EOGT: variants seen among roughly 807,000 people sequenced by gnomAD.
EOGT encodes the protein EGF domain specific O-linked N-acetylglucosamine transferase, also known as EGF domain-specific O-linked N-acetylglucosamine transferase.
In EOGT, 55 loss-of-function variants were observed where a neutral mutation model predicts 70.5. The ratio of observed to expected loss-of-function variants is 0.78; its 90% CI spans 0.63 to 0.98. The LOEUF (loss-of-function observed/expected upper bound fraction) is 0.98. Ranked by LOEUF, EOGT falls within the 50% of genes least tolerant of loss-of-function variation. EOGT has a pLI of 0.00. For synonymous variants in EOGT, 246 were observed against 217.1 expected (o/e 1.13, Z -1.17); for missense variants, 703 against 641.9 (o/e 1.10, Z -1.03).
At chr3:68,985,335 G>A (rs2090774828) in intron 14 of EOGT, among the ~76,000 whole-genome samples, 1 of 152,082 alleles carries the variant, frequency 6.6e-6, no homozygotes, top group Non-Finnish European at 1.5e-5. Flanking sequence ...ATATGTTCAT[G>A]TCCTCTGTAA....
chr3:69,008,755 G>GA (rs2091499131), intron 4 of EOGT, among the ~76,000 whole-genome samples: 1 of 152,140 alleles, frequency 6.6e-6, no homozygotes, highest in Non-Finnish European at 1.5e-5. Context: ...TCCCCTAACC[G>GA]AAAGTCTGGG....
At chr3:68,994,768 G>A (rs1414108191) in intron 10 of EOGT, among the ~76,000 whole-genome samples, 1 of 152,174 alleles carries the variant, frequency 6.6e-6, no homozygotes, top group African/African-American at 2.4e-5. Context: ...TTGAGCCTGG[G>A]TGACAAGCAA....
chr3:68,982,958 G>A, intron 14 of EOGT, 86 bp from the exon 15 acceptor site: 1 of 775,550 alleles, frequency 1.3e-6, no homozygotes, highest in South Asian at 2.0e-5. Flanking sequence ...TTCTTTTTTT[G>A]CATATACTAT....
chr3:68,979,910 AT>A, intron 15 of EOGT, 123 bp from the exon 16 acceptor site: 1 of 916,940 alleles, frequency 1.1e-6, no homozygotes, highest in Non-Finnish European at 1.5e-6. Context: ...ACCACATTCC[AT>A]TTTTAAGAAG....
chr3:68,983,657 T>C (rs1355443457), intron 14 of EOGT, among the ~76,000 whole-genome samples: 2 of 152,192 alleles, frequency 1.3e-5, no homozygotes. Flanking sequence ...TTACTTCACT[T>C]AATCCTCGTA....
At chr3:68,983,367 C>T (rs981792433) in intron 14 of EOGT, among the ~76,000 whole-genome samples, 2 of 152,220 alleles carry the variant, frequency 1.3e-5, no homozygotes, top group Non-Finnish European at 1.5e-5. Flanking sequence ...ATACTAAGGT[C>T]TTGGCAGAAA....
chr3:68,998,835 TA>T (rs5849871), intron 9 of EOGT, among the ~76,000 whole-genome samples: 3,168 of 109,918 alleles, frequency 0.029, 71 homozygotes, highest in African/African-American at 0.053. Context: ...AGACTCTGTC[TA>T]AAAAAAAAAA....
intron 10 of EOGT, among the ~76,000 whole-genome samples, chr3:68,991,218 G>T (rs12636844): frequency 0.39 from 59,351 of 152,058 alleles, 12,199 homozygotes; most frequent in East Asian, 0.54. Flanking sequence ...CCACCATTTG[G>T]GAAGGAGGCA....
At chr3:68,991,208 C>G (rs2090984401) in intron 10 of EOGT, among the ~76,000 whole-genome samples, 2 of 152,210 alleles carry the variant, frequency 1.3e-5, no homozygotes, top group African/African-American at 4.8e-5. Context: ...TCCAAATTAT[C>G]CACCATTTGG....
At chr3:69,000,403 G>A (rs903870558) in intron 9 of EOGT, among the ~76,000 whole-genome samples, 1 of 152,002 alleles carries the variant, frequency 6.6e-6, no homozygotes, top group Non-Finnish European at 1.5e-5. Flanking sequence ...TTTTACAGAC[G>A]GATCAGTGTT....
At chr3:68,979,850 G>T in intron 15 of EOGT, 63 bp from the exon 16 acceptor site, 1 of 1,506,900 alleles carries the variant, frequency 6.6e-7, no homozygotes, top group Non-Finnish European at 9.1e-7. Context: ...GGTTGAGTTA[G>T]TTCATGATTC....
intron 5 of EOGT, among the ~76,000 whole-genome samples, chr3:69,008,095 C>A (rs978017192): frequency 1.3e-5 from 2 of 152,150 alleles, no homozygotes; most frequent in African/African-American, 4.8e-5. Context: ...ACTATATTTT[C>A]TTTACCTCAT....
chr3:68,977,346 G>T lies in EOGT; in HGVS notation c.*272C>A. ...CTCCAAAAAAAAAAAAAGAAAGAAAGAAAGTTAAAGTATACTGGGGAGTCC... is the reference window on the plus strand; with the variant it reads ...CTCCAAAAAAAAAAAAAGAAAGAAATAAAGTTAAAGTATACTGGGGAGTCC... On this transcript the variant is annotated 3_prime_UTR_variant, in exon 18 of 18. Coordinates refer to ENST00000383701, the MANE Select transcript of EOGT (RefSeq NM_001278689.2). The T allele has an allele frequency of 3.7e-6, 1 of 267,920 alleles. No individual in the cohort carries two copies. The highest frequency in any genetic ancestry group is 6.9e-6 in the Non-Finnish European group (1 of 145,162). 16.6% of individuals were successfully genotyped at this position (267,920 alleles called of 1,614,324 possible). A position where few individuals can be genotyped will look rare whatever the true frequency, so the allele number is the denominator to read the frequency against.
chr3:69,013,299 A>C (rs1296299220), intron 1 of EOGT, among the ~76,000 whole-genome samples: 1 of 151,136 alleles, frequency 6.6e-6, no homozygotes. Context: ...CCGGCTGGAA[A>C]CCTGGTCAAC....
chr3:68,992,457 AC>A (rs1473031591), intron 10 of EOGT, among the ~76,000 whole-genome samples: 5 of 152,214 alleles, frequency 3.3e-5, no homozygotes, highest in Non-Finnish European at 7.3e-5. Context: ...CATCCAGGTT[AC>A]ACTGAAGCAT....
intron 2 of EOGT, 33 bp downstream of exon 2, chr3:69,012,482 C>G (rs981065743): frequency 2.6e-5 from 4 of 152,342 alleles, no homozygotes; most frequent in Non-Finnish European, 5.9e-5. Flanking sequence ...AGTCCATTGT[C>G]CTCCAGTGAG....
intron 14 of EOGT, among the ~76,000 whole-genome samples, chr3:68,985,714 A>C (rs1230435130): frequency 1.3e-5 from 2 of 152,230 alleles, no homozygotes; most frequent in African/African-American, 4.8e-5. Flanking sequence ...ACTTCTGATC[A>C]ATCTCCTTGC....
chr3:68,998,074 A>G lies in EOGT; in HGVS notation c.768T>C (p.Leu256=). 6.2e-7 allele frequency: 1 copy of G among 1,600,776 alleles called. No individual in the cohort carries two copies. The highest frequency in any genetic ancestry group is 8.5e-7 in the Non-Finnish European group (1 of 1,173,052). ...MYHHFCDFIN[L]YITQHVNNSF... Reference sequence around the variant, plus strand: ...AGTTATTAACGTGCTGAGTAATATAAAGATTGATGAAATCACAGAAGTGGT... The same window carrying G: ...AGTTATTAACGTGCTGAGTAATATAGAGATTGATGAAATCACAGAAGTGGT... Residue 256 remains leucine, a synonymous_variant, in exon 10 of 18, where the codon CTT becomes CTC. Transcript: ENST00000383701.
At chr3:68,997,584 G>A (rs2091186108) in intron 10 of EOGT, among the ~76,000 whole-genome samples, 1 of 152,134 alleles carries the variant, frequency 6.6e-6, no homozygotes, top group Admixed American at 6.5e-5. Context: ...GGCCAGGCTA[G>A]TCTCGAACTC....
Sources: allele counts gnomAD v4.1 joint callset (sites outside exome capture counted in the v4.1 genomes callset), GRCh38; gene constraint gnomAD v4.1.1; transcripts MANE v1.5; gene names NCBI Gene and HGNC (gene_info 2026-07-23, HGNC 2026-07-21).